TLE3: variants seen among roughly 807,000 people sequenced by gnomAD.
TLE3 encodes TLE family member 3, transcriptional corepressor.
TLE3 carries 14 observed loss-of-function variants against 93.0 expected under a neutral mutation model. The ratio of observed to expected loss-of-function variants is 0.15; its 90% confidence interval spans 0.10 to 0.24. The LOEUF is 0.24. TLE3 is among the 10% of genes least tolerant of loss of function. TLE3 has a pLI of 1.00. For missense variants in TLE3, 693 were observed against 1,046.6 expected (o/e 0.66, Z 4.66); for synonymous variants, 451 against 425.0 (o/e 1.06, Z -0.75).
At chr15:70,079,694 C>T (rs546746362) in intron 4 of TLE3, among the ~76,000 whole-genome samples, 9 of 151,864 alleles carry the variant, frequency 5.9e-5, no homozygotes, top group African/African-American at 1.7e-4. Context: ...TGGAGGGTGG[C>T]GCTTGGGGGA....
intron 5 of TLE3, among the ~76,000 whole-genome samples, 191 bp downstream of exon 5, chr15:70,075,905 C>T (rs2057417665): frequency 6.6e-6 from 1 of 152,134 alleles, no homozygotes; most frequent in Admixed American, 6.6e-5. Flanking sequence ...CAAATGGTCC[C>T]TCTGATATGG....
intron 14 of TLE3, 164 bp downstream of exon 14, chr15:70,056,134 T>G: frequency 1.3e-6 from 1 of 759,376 alleles, no homozygotes; most frequent in South Asian, 1.5e-5. Context: ...TTCCTGGGGT[T>G]GCAACCAGCC....
At chr15:70,095,784 CG>C in intron 2 of TLE3, 143 bp from the exon 3 acceptor site, 1 of 1,032,636 alleles carries the variant, frequency 9.7e-7, no homozygotes, top group Non-Finnish European at 1.4e-6. Flanking sequence ...CCTGGGGACG[CG>C]GGGGGATTTG....
intron 18 of TLE3, 163 bp from the exon 19 acceptor site, chr15:70,051,630 C>G: frequency 5.1e-6 from 1 of 196,572 alleles, no homozygotes; most frequent in Admixed American, 6.5e-5. Flanking sequence ...ATGCGGACAC[C>G]TGGAGAAGGC....
At chr15:70,086,492 C>T (rs184459702) in intron 4 of TLE3, among the ~76,000 whole-genome samples, 54 of 152,122 alleles carry the variant, frequency 3.5e-4, no homozygotes, top group Admixed American at 3.9e-4. Context: ...TCATGGCTGA[C>T]CAGGAAGGGA....
At position 70,049,480 on chromosome 15, in the gene TLE3, G is replaced by A. The variant is rs2055331339; in HGVS notation, c.*617C>T. On this transcript the variant is annotated 3_prime_UTR_variant, in exon 20 of 20. Transcript: ENST00000451782. ...CTTTCTTCAATTGGTTCCCCTCCCT[G>A]TCTCCTCTTCCCAGGTGAGAGCATC... 2 of 139,968 alleles carry A rather than the reference G, an allele frequency of 1.4e-5. No homozygotes were observed. Among genetic ancestry groups the A allele is most frequent in the African/African-American group, 2.7e-5 (1 of 36,970 alleles). 8.7% of individuals were successfully genotyped at this position (139,968 alleles called of 1,614,324 possible).
At chr15:70,083,670 A>G (rs1476114438) in intron 4 of TLE3, among the ~76,000 whole-genome samples, 1 of 149,572 alleles carries the variant, frequency 6.7e-6, no homozygotes, top group African/African-American at 2.5e-5. Context: ...CAGCCACCTA[A>G]TCCCCCTTGG....
intron 4 of TLE3, among the ~76,000 whole-genome samples, chr15:70,082,498 G>A (rs1377130057): frequency 6.6e-6 from 1 of 152,174 alleles, no homozygotes; most frequent in African/African-American, 2.4e-5. Context: ...TACTGGAGGG[G>A]CTGGTGAAGG....
intron 7 of TLE3, 128 bp from the exon 8 acceptor site, chr15:70,064,598 A>G: frequency 1.5e-6 from 2 of 1,300,694 alleles, no homozygotes; most frequent in East Asian, 5.0e-5. Context: ...TGGTTTTAAA[A>G]TGAGCAGAAG....
At chr15:70,079,933 G>A (rs1159602777) in intron 4 of TLE3, among the ~76,000 whole-genome samples, 1 of 152,026 alleles carries the variant, frequency 6.6e-6, no homozygotes, top group Non-Finnish European at 1.5e-5. Flanking sequence ...TTTCAAGAGA[G>A]CTTAGAGAAA....
At chr15:70,096,722 T>C (rs1263436084) in intron 1 of TLE3, 53 bp downstream of exon 1, 4 of 1,605,518 alleles carry the variant, frequency 2.5e-6, no homozygotes, top group South Asian at 1.1e-5. Context: ...ATAAACTGCC[T>C]CGTTTACCCT....
chr15:70,090,468 G>A (rs2058255829), intron 4 of TLE3, among the ~76,000 whole-genome samples: 1 of 152,110 alleles, frequency 6.6e-6, no homozygotes. Context: ...CAACTCCTTG[G>A]CAGAGTCCTT....
chr15:70,097,155 G>C lies in TLE3; in HGVS notation c.-357C>G, dbSNP rs912878482. 12 of 419,642 alleles carry C rather than the reference G, an allele frequency of 2.9e-5. No homozygotes were observed. The highest frequency in any genetic ancestry group is 4.1e-5 in the Non-Finnish European group (10 of 241,830). 26.0% of individuals were successfully genotyped at this position (419,642 alleles called of 1,614,324 possible). On this transcript the variant is annotated 5_prime_UTR_variant, in exon 1 of 20. Coordinates refer to ENST00000451782, the MANE Select transcript of TLE3 (RefSeq NM_001105192.3). ...CATCGTCGGCTCCCCAGCAGGTCCGGCGCGGGGTCCCGAGGCCGGGGGCCC... is the reference window on the plus strand; with the variant it reads ...CATCGTCGGCTCCCCAGCAGGTCCGCCGCGGGGTCCCGAGGCCGGGGGCCC...
At chr15:70,081,246 T>A (rs2141904281) in intron 4 of TLE3, among the ~76,000 whole-genome samples, 1 of 152,358 alleles carries the variant, frequency 6.6e-6, no homozygotes, top group East Asian at 1.9e-4. Flanking sequence ...AGCCCTAATT[T>A]AGAGTTTTAG....
chr15:70,071,630 G>A (rs2057169622), intron 6 of TLE3, among the ~76,000 whole-genome samples: 1 of 152,172 alleles, frequency 6.6e-6, no homozygotes, highest in Non-Finnish European at 1.5e-5. Context: ...AACAATTAGG[G>A]CAGATGGAGA....
chr15:70,074,325 T>C (rs749798932), intron 6 of TLE3, among the ~76,000 whole-genome samples: 5 of 152,236 alleles, frequency 3.3e-5, no homozygotes, highest in Non-Finnish European at 7.3e-5. Flanking sequence ...CTGGCTCCCC[T>C]TTAGTTTGAG....
chr15:70,097,815 C>CA lies in TLE3; in HGVS notation c.-1018_-1017insT, dbSNP rs202193315. 22,875 of 195,620 alleles carry CA rather than the reference C, an allele frequency of 0.12. 506 individuals are homozygous for CA. Among genetic ancestry groups the CA allele is most frequent in the Admixed American group, 0.3 (2,662 of 8,866 alleles). 12.1% of individuals were successfully genotyped at this position (195,620 alleles called of 1,614,324 possible). A position where few individuals can be genotyped will look rare whatever the true frequency, so the allele number is the denominator to read the frequency against. ...ACGCGCGCACGCACACACACACACA[C>CA]CAAAAAAAAAAGTGCCCCGGACCTA... On this transcript the variant is annotated 5_prime_UTR_variant, in exon 1 of 20. Transcript: ENST00000451782.
intron 4 of TLE3, among the ~76,000 whole-genome samples, chr15:70,079,198 G>T (rs528087530): frequency 6.6e-6 from 1 of 151,916 alleles, no homozygotes; most frequent in East Asian, 2.0e-4. Flanking sequence ...CCACAAACAA[G>T]CATCAACTGA....
Position 70,074,477 on chromosome 15 carries a change from G to T in TLE3, c.372+56C>A, listed in dbSNP as rs1312651910. The T allele has an allele frequency of 3.2e-6, 5 of 1,565,002 alleles. No individual in the cohort carries two copies. In the South Asian group the frequency reaches 5.8e-5, roughly 18 times the overall value. ...GGGTCAATCTCTGGTTATGATAAAT[G>T]AGAGGAATAAAAGGGCTATACACAC... On this transcript the variant is annotated intron_variant, in intron 6 of 19. Transcript: ENST00000451782.
Sources: allele counts gnomAD v4.1 joint callset (sites outside exome capture counted in the v4.1 genomes callset), GRCh38; gene constraint gnomAD v4.1.1; transcripts MANE v1.5; gene names NCBI Gene and HGNC (gene_info 2026-07-23, HGNC 2026-07-21).